Variants in PTPRT observed in about 807,000 individuals in gnomAD.
PTPRT encodes the protein receptor-type tyrosine-protein phosphatase T.
In PTPRT, 56 loss-of-function variants were observed where a neutral mutation model predicts 176.8. The ratio of observed to expected loss-of-function variants is 0.32; its 90% CI spans 0.26 to 0.40. The LOEUF (loss-of-function observed/expected upper bound fraction) is 0.40, where lower values mean the gene tolerates loss of function less well. Ranked by LOEUF, PTPRT falls within the 10% of genes least tolerant of loss-of-function variation. The probability of loss-of-function intolerance (pLI) is 1.00; values close to 1 mark genes in which losing one functional copy is unlikely to be tolerated. For missense variants in PTPRT, 1,540 were observed against 1,908.2 expected, an observed-to-expected ratio of 0.81 and a Z score of 3.60; for synonymous variants, 783 against 739.0, an observed-to-expected ratio of 1.06 and a Z score of -0.96.
chr20:42,235,741 G>T, intron 15 of PTPRT, among the ~76,000 whole-genome samples: 1 of 152,102 alleles, frequency 6.6e-6, no homozygotes, highest in East Asian at 1.9e-4. Context: ...CACCTGTGAG[G>T]CCGGTTCTAG....
intron 15 of PTPRT, among the ~76,000 whole-genome samples, chr20:42,219,747 A>C (rs2055842204): frequency 6.6e-6 from 1 of 152,218 alleles, no homozygotes; most frequent in Non-Finnish European, 1.5e-5. Flanking sequence ...CAGCTAGTAT[A>C]TGGTAGGGCC....
intron 1 of PTPRT, among the ~76,000 whole-genome samples, chr20:43,106,485 C>T (rs1480588881): frequency 6.6e-6 from 1 of 151,668 alleles, no homozygotes; most frequent in Non-Finnish European, 1.5e-5. Context: ...GGTGAAACCC[C>T]ATCTCTACTA....
intron 1 of PTPRT, among the ~76,000 whole-genome samples, chr20:43,121,336 T>C (rs1249847498): frequency 1.3e-5 from 2 of 152,240 alleles, no homozygotes; most frequent in Admixed American, 6.5e-5. Flanking sequence ...TGAGTAAATA[T>C]GTTTACCCAC....
At chr20:42,945,176 T>C (rs1158089830) in intron 1 of PTPRT, among the ~76,000 whole-genome samples, 1 of 151,206 alleles carries the variant, frequency 6.6e-6, no homozygotes, top group Non-Finnish European at 1.5e-5. Flanking sequence ...ATAATGTAAC[T>C]CTAAAGATAC....
At chr20:42,453,361 T>C (rs1365542970) in intron 8 of PTPRT, among the ~76,000 whole-genome samples, 3 of 152,060 alleles carry the variant, frequency 2.0e-5, no homozygotes, top group Non-Finnish European at 4.4e-5. Context: ...TTCTTTTATT[T>C]CTTACAAATT....
At position 43,156,753 on chromosome 20, in the gene PTPRT, T is replaced by A. The variant is rs539601043; in HGVS notation, c.88+32893A>T. Reference sequence around the variant, plus strand: ...GATCTCATCAGTTCCTCTTCAGTCATTGATCATCCAATGGAAAAATTTGCT... The same window carrying A: ...GATCTCATCAGTTCCTCTTCAGTCAATGATCATCCAATGGAAAAATTTGCT... On this transcript the variant is annotated intron_variant, in intron 1 of 30. Transcript: ENST00000373187. Among the ~76,000 whole-genome samples, 8 of 152,176 alleles carry A rather than the reference T, an allele frequency of 5.3e-5. No homozygotes were observed. In the East Asian group the frequency reaches 1.3e-3, roughly 26 times the overall value.
chr20:42,460,819 G>T (rs1164443403), intron 8 of PTPRT, among the ~76,000 whole-genome samples: 1 of 152,142 alleles, frequency 6.6e-6, no homozygotes, highest in Non-Finnish European at 1.5e-5. Context: ...GCTGATTTAT[G>T]AGTCAATTAA....
intron 1 of PTPRT, among the ~76,000 whole-genome samples, chr20:43,149,311 T>G (rs188875226): frequency 6.6e-6 from 1 of 152,338 alleles, no homozygotes; most frequent in Admixed American, 6.5e-5. Flanking sequence ...TCATGAAAAT[T>G]CAAGTTTTAA....
At chr20:42,834,891 T>G (rs1183108744) in intron 2 of PTPRT, among the ~76,000 whole-genome samples, 1 of 152,218 alleles carries the variant, frequency 6.6e-6, no homozygotes, top group Non-Finnish European at 1.5e-5. Context: ...TACCAGAACT[T>G]TATATCCAGC....
chr20:42,064,323 C>A, the PTPRT span, among the ~76,000 whole-genome samples: 3 of 152,098 alleles, frequency 2.0e-5, no homozygotes, highest in African/African-American at 7.2e-5. Context: ...TAAACTTATT[C>A]TTTTAGTTTA....
intron 9 of PTPRT, among the ~76,000 whole-genome samples, chr20:42,416,956 T>TC (rs1475861356): frequency 2.6e-5 from 4 of 152,188 alleles, no homozygotes; most frequent in Non-Finnish European, 5.9e-5. Context: ...TGTTTCTTCT[T>TC]CCATTTAGAG....
At chr20:42,169,793 A>C (rs4484083) in intron 16 of PTPRT, among the ~76,000 whole-genome samples, 4,333 of 67,008 alleles carry the variant, frequency 0.065, 153 homozygotes, top group Non-Finnish European at 0.074. Flanking sequence ...CACACACACA[A>C]CAGTCAGTAT....
At chr20:42,423,178 TAAAAAAAAAA>T in intron 9 of PTPRT, among the ~76,000 whole-genome samples, 1 of 88,112 alleles carries the variant, frequency 1.1e-5, no homozygotes, top group South Asian at 5.2e-4. Flanking sequence ...ACCTTAAAAG[TAAAAAAAAAA>T]AAAAAAAAAA....
At chr20:43,178,316 T>C (rs2015168038) in intron 1 of PTPRT, among the ~76,000 whole-genome samples, 1 of 152,204 alleles carries the variant, frequency 6.6e-6, no homozygotes, top group Admixed American at 6.5e-5. Flanking sequence ...CTGGCTTCTT[T>C]AAGGCTAGAA....
At chr20:42,928,565 C>A (rs1443674734) in intron 1 of PTPRT, among the ~76,000 whole-genome samples, 1 of 152,088 alleles carries the variant, frequency 6.6e-6, no homozygotes, top group Non-Finnish European at 1.5e-5. Flanking sequence ...CATGGGGAGA[C>A]CCTACCATGG....
intron 7 of PTPRT, among the ~76,000 whole-genome samples, chr20:42,527,629 T>C (rs1473711147): frequency 6.6e-6 from 1 of 152,218 alleles, no homozygotes; most frequent in African/African-American, 2.4e-5. Flanking sequence ...GTCTTTGCTA[T>C]CTCAAAATCA....
At position 42,849,046 on chromosome 20, in the gene PTPRT, C is replaced by T. The variant is rs886851743; in HGVS notation, c.214+36761G>A. Among the ~76,000 whole-genome samples, 5 of 152,174 alleles carry T rather than the reference C, an allele frequency of 3.3e-5. No homozygotes were observed. The East Asian group carries it at 9.6e-4, about 29-fold the overall frequency. On this transcript the variant is annotated intron_variant, in intron 2 of 30. Coordinates refer to ENST00000373187, the MANE Select transcript of PTPRT (RefSeq NM_007050.6). Reference sequence around the variant, plus strand: ...CTCCTACATGTGGCTTGCCAGTTATCCCAGCACCATTTGTTGAATAGGGTG... The same window carrying T: ...CTCCTACATGTGGCTTGCCAGTTATTCCAGCACCATTTGTTGAATAGGGTG...
At chr20:42,855,950 C>T (rs182829696) in intron 2 of PTPRT, among the ~76,000 whole-genome samples, 1 of 152,188 alleles carries the variant, frequency 6.6e-6, no homozygotes, top group African/African-American at 2.4e-5. Context: ...CCAGTTATCT[C>T]ATATGAGGAC....
At chr20:42,698,453 T>G (rs2206431) in intron 6 of PTPRT, among the ~76,000 whole-genome samples, 60,553 of 151,902 alleles carry the variant, frequency 0.4, 13,656 homozygotes, top group African/African-American at 0.62. Flanking sequence ...CCAACTAAGG[T>G]CCAAGTACTG....
Sources: gnomAD v4.1 joint callset for allele counts (sites outside exome capture counted in the v4.1 genomes callset) on GRCh38, gnomAD v4.1.1 for gene constraint, MANE v1.5 for transcripts, NCBI Gene and HGNC (gene_info 2026-07-23, HGNC 2026-07-21) for gene names.